ZNF438: variants seen among roughly 807,000 people sequenced by gnomAD.
ZNF438 encodes the protein zinc finger protein 438.
A neutral mutation model predicts 38.0 loss-of-function variants in ZNF438; 25 were observed. The observed-to-expected ratio is 0.66, with a 90% CI of 0.48 to 0.92. ZNF438 has a LOEUF of 0.92. Ranked by LOEUF, ZNF438 falls within the 40% of genes least tolerant of loss-of-function variation. ZNF438 has a pLI of 0.00. For synonymous variants in ZNF438, 372 were observed against 364.1 expected, an observed-to-expected ratio of 1.02 and a Z score of -0.25; for missense variants, 1,007 against 999.6, an observed-to-expected ratio of 1.01 and a Z score of -0.10.
intron 1 of ZNF438, among the ~76,000 whole-genome samples, chr10:30,989,750 T>G (rs933781770): frequency 6.6e-6 from 1 of 152,234 alleles, no homozygotes; most frequent in Non-Finnish European, 1.5e-5. Context: ...TGTAGGACTT[T>G]CCAGTTCTAT....
intron 2 of ZNF438, among the ~76,000 whole-genome samples, chr10:30,926,215 T>A (rs1440416735): frequency 6.6e-6 from 1 of 152,242 alleles, no homozygotes; most frequent in South Asian, 2.1e-4. Context: ...TACACGGATG[T>A]ACATAATTGT....
intron 3 of ZNF438, among the ~76,000 whole-genome samples, chr10:30,900,863 T>G (rs918673515): frequency 6.6e-6 from 1 of 152,210 alleles, no homozygotes; most frequent in Non-Finnish European, 1.5e-5. Context: ...TTCAAATAGA[T>G]GCAAGCATCA....
Position 30,916,032 on chromosome 10 carries a change from G to C in ZNF438, c.-114-7017C>G, listed in dbSNP as rs1411651234. Among the ~76,000 whole-genome samples, 3 of 151,988 alleles carry C rather than the reference G, an allele frequency of 2.0e-5. No individual in the cohort carries two copies. In the East Asian group the frequency reaches 5.8e-4, roughly 29 times the overall value. ...AATCCATAATTTTCTTTCCCTTCTTGAAGCAATAATGGCGGAACTTCTGAG... is the reference window on the plus strand; with the variant it reads ...AATCCATAATTTTCTTTCCCTTCTTCAAGCAATAATGGCGGAACTTCTGAG... On this transcript the variant is annotated intron_variant, in intron 2 of 5. Coordinates refer to ENST00000413025, the Ensembl canonical transcript of ZNF438.
chr10:30,887,354 C>A (rs548008957), intron 3 of ZNF438, among the ~76,000 whole-genome samples: 22 of 152,140 alleles, frequency 1.4e-4, no homozygotes, highest in Non-Finnish European at 3.1e-4. Context: ...TGCGCCCCCT[C>A]CTCTAAGGGA....
intron 2 of ZNF438, chr10:30,923,182 G>A (rs937129909): frequency 5.3e-5 from 8 of 152,302 alleles, no homozygotes; most frequent in African/African-American, 1.9e-4. Flanking sequence ...AGCAGGATGA[G>A]CAAAGTTAAT....
intron 1 of ZNF438, among the ~76,000 whole-genome samples, chr10:30,979,444 TGCATAGCCAA>T (rs2051840475): frequency 6.6e-6 from 1 of 152,160 alleles, no homozygotes; most frequent in Non-Finnish European, 1.5e-5. Flanking sequence ...AAAAAGAGCC[TGCATAGCCAA>T]GACAATCCTA....
At chr10:31,005,385 C>T (rs1446397742) in intron 1 of ZNF438, among the ~76,000 whole-genome samples, 3 of 152,008 alleles carry the variant, frequency 2.0e-5, no homozygotes, top group Admixed American at 6.6e-5. Context: ...AGACATTATG[C>T]AGAGTGAAAT....
At chr10:30,986,256 A>G (rs890414786) in intron 1 of ZNF438, among the ~76,000 whole-genome samples, 2 of 152,196 alleles carry the variant, frequency 1.3e-5, no homozygotes, top group African/African-American at 4.8e-5. Context: ...AGCCAACAGC[A>G]CTATAAGTTT....
At position 31,000,954 on chromosome 10, in the gene ZNF438, A is replaced by C. The variant is rs555915083; in HGVS notation, c.-192+30879T>G. Among the ~76,000 whole-genome samples the C allele has an allele frequency of 3.9e-5, 6 of 152,122 alleles. No individual in the cohort carries two copies. In the East Asian group the frequency reaches 9.7e-4, roughly 25 times the overall value. Reference sequence around the variant, plus strand: ...ATGCTTTTCCCCTTTTCTCCTATCCATCTTGCAAAAATCTTGCCCATCTTC... The same window carrying C: ...ATGCTTTTCCCCTTTTCTCCTATCCCTCTTGCAAAAATCTTGCCCATCTTC... On this transcript the variant is annotated intron_variant, in intron 1 of 5. Transcript: ENST00000413025.
chr10:30,999,878 T>G (rs1464770322), intron 1 of ZNF438, among the ~76,000 whole-genome samples: 4 of 152,210 alleles, frequency 2.6e-5, no homozygotes. Context: ...CTATCCAATT[T>G]CTTTCCCATT....
chr10:30,961,193 T>A (rs1310280258), intron 1 of ZNF438, among the ~76,000 whole-genome samples: 1 of 142,392 alleles, frequency 7.0e-6, no homozygotes, highest in Non-Finnish European at 1.6e-5. Context: ...CATATGTAAC[T>A]AACCTGCACA....
chr10:31,007,276 GTTT>G lies in ZNF438; in HGVS notation c.-192+24554_-192+24556del, dbSNP rs60434764. Reference sequence around the variant, plus strand: ...TTTAAGTCACAAAGGTTTTTTTGGTGTTTTTTTTTTTTTTTTTTTTTTGGAGAC... The same window carrying G: ...TTTAAGTCACAAAGGTTTTTTTGGTGTTTTTTTTTTTTTTTTTTTGGAGAC... On this transcript the variant is annotated intron_variant, in intron 1 of 5. Transcript: ENST00000413025. Among the ~76,000 whole-genome samples the G allele has an allele frequency of 8.5e-4, 95 of 112,368 alleles. 1 individual carries two copies. The highest frequency in any genetic ancestry group is 3.0e-3 in the African/African-American group (83 of 27,514). 73.7% of individuals were successfully genotyped at this position (112,368 alleles called of 152,430 possible).
intron 4 of ZNF438, among the ~76,000 whole-genome samples, chr10:30,857,023 C>T (rs190345251): frequency 1.8e-3 from 268 of 152,190 alleles, no homozygotes; most frequent in Admixed American, 4.5e-3. Flanking sequence ...GTTCCCCTTA[C>T]ACAGATTAAG....
intron 1 of ZNF438, among the ~76,000 whole-genome samples, chr10:30,980,333 G>A (rs540168533): frequency 2.6e-5 from 4 of 152,044 alleles, no homozygotes; most frequent in Middle Eastern, 3.4e-3. Context: ...AAGGAAGGCC[G>A]GTTAGAAGAC....
At position 31,028,663 on chromosome 10, in the gene ZNF438, T is replaced by C. The variant is rs1387240300; in HGVS notation, c.-192+3170A>G. Among the ~76,000 whole-genome samples the C allele has an allele frequency of 2.0e-5, 3 of 152,190 alleles. No homozygotes were observed. In the East Asian group the frequency reaches 5.8e-4, roughly 29 times the overall value. On this transcript the variant is annotated intron_variant, in intron 1 of 5. Coordinates refer to ENST00000413025, the Ensembl canonical transcript of ZNF438. ...ATGCATTTAGTCTACTCTAATTTTATTCCCACAGGTTTTTCCTCATACCCT... is the reference window on the plus strand; with the variant it reads ...ATGCATTTAGTCTACTCTAATTTTACTCCCACAGGTTTTTCCTCATACCCT...
In ZNF438 at chr10:30,982,403, C is replaced by T. The variant is rs114934104; in HGVS notation, c.-191-40752G>A. On this transcript the variant is annotated intron_variant, in intron 1 of 5. Coordinates refer to ENST00000413025, the Ensembl canonical transcript of ZNF438. ...GGCATCAGCCACCGCGCCCGGCCATCCTGTCTTTTTCTCAACTTCCCAACC... is the reference window on the plus strand; with the variant it reads ...GGCATCAGCCACCGCGCCCGGCCATTCTGTCTTTTTCTCAACTTCCCAACC... Among the ~76,000 whole-genome samples the T allele has an allele frequency of 5.1e-3, 772 of 152,164 alleles. 4 individuals are homozygous for T. Among genetic ancestry groups the T allele is most frequent in the African/African-American group, 0.018 (748 of 41,542 alleles).
intron 2 of ZNF438, among the ~76,000 whole-genome samples, chr10:30,926,037 T>C (rs769242056): frequency 6.6e-6 from 1 of 152,196 alleles, no homozygotes; most frequent in Non-Finnish European, 1.5e-5. Context: ...AAGGTACTTA[T>C]GTCACACAGT....
At chr10:31,023,663 G>A (rs1564362391) in intron 1 of ZNF438, among the ~76,000 whole-genome samples, 1 of 152,264 alleles carries the variant, frequency 6.6e-6, no homozygotes, top group South Asian at 2.1e-4. Flanking sequence ...CTAGTCCTAA[G>A]CTGGAAACAA....
chr10:31,009,395 C>T (rs960623992), intron 1 of ZNF438, among the ~76,000 whole-genome samples: 1 of 152,194 alleles, frequency 6.6e-6, no homozygotes, highest in Non-Finnish European at 1.5e-5. Context: ...TGTGACAACA[C>T]GTCCAGGAAG....
Sources: allele counts gnomAD v4.1 joint callset (sites outside exome capture counted in the v4.1 genomes callset), GRCh38; gene constraint gnomAD v4.1.1; transcripts MANE v1.5; gene names NCBI Gene and HGNC (gene_info 2026-07-23, HGNC 2026-07-21).